The following GNG12 variants were observed in gnomAD, a reference collection of about 807,000 sequenced individuals.
GNG12 encodes guanine nucleotide-binding protein G(I)/G(S)/G(O) subunit gamma-12.
For missense variants in GNG12, 69 were observed against 83.8 expected (o/e 0.82, Z 0.69); for synonymous variants, 28 against 29.7 (o/e 0.94, Z 0.19).
intron 1 of GNG12, among the ~76,000 whole-genome samples, chr1:67,826,882 T>C (rs1213053855): frequency 6.6e-6 from 1 of 152,226 alleles, no homozygotes; most frequent in Non-Finnish European, 1.5e-5. Flanking sequence ...AACTGCAAGC[T>C]TGGGGTCTGA....
intron 2 of GNG12, among the ~76,000 whole-genome samples, chr1:67,736,156 C>A (rs1646451051): frequency 6.6e-6 from 1 of 152,116 alleles, no homozygotes; most frequent in Non-Finnish European, 1.5e-5. Flanking sequence ...CTTGCAGGAA[C>A]TGTGGGAGAA....
chr1:67,770,971 T>C (rs1187661323), intron 2 of GNG12, among the ~76,000 whole-genome samples: 1 of 151,988 alleles, frequency 6.6e-6, no homozygotes, highest in Non-Finnish European at 1.5e-5. Flanking sequence ...TGTGTGCATG[T>C]GTGTGTGCGT....
chr1:67,787,430 A>G (rs896806299), intron 1 of GNG12, among the ~76,000 whole-genome samples: 1 of 152,132 alleles, frequency 6.6e-6, no homozygotes, highest in Non-Finnish European at 1.5e-5. Context: ...GCAATAGTCA[A>G]GCAAAGAGTT....
chr1:67,798,859 C>T (rs1557621463), intron 1 of GNG12, among the ~76,000 whole-genome samples: 1 of 152,046 alleles, frequency 6.6e-6, no homozygotes, highest in Admixed American at 6.5e-5. Context: ...GAGGCTGAGG[C>T]AGAGGAATCG....
chr1:67,776,459 C>T (rs1052310411), intron 2 of GNG12, among the ~76,000 whole-genome samples: 8 of 152,184 alleles, frequency 5.3e-5, no homozygotes, highest in Non-Finnish European at 1.2e-4. Context: ...CTTGCTTTAA[C>T]AATCAGAATG....
chr1:67,763,143 A>C (rs1646616635), intron 2 of GNG12, among the ~76,000 whole-genome samples: 1 of 133,836 alleles, frequency 7.5e-6, no homozygotes, highest in East Asian at 2.2e-4. Context: ...TTTTACTCCT[A>C]AATATTTCAG....
intron 1 of GNG12, among the ~76,000 whole-genome samples, chr1:67,786,781 A>AC (rs1646769914): frequency 6.6e-6 from 1 of 151,812 alleles, no homozygotes; most frequent in Non-Finnish European, 1.5e-5. Flanking sequence ...AACAACAACA[A>AC]AAAAAACTAG....
intron 1 of GNG12, among the ~76,000 whole-genome samples, chr1:67,819,545 A>G (rs542856708): frequency 6.6e-4 from 100 of 152,186 alleles, no homozygotes; most frequent in Non-Finnish European, 1.2e-3. Flanking sequence ...CCTCCCTTCA[A>G]AAATAACACA....
intron 2 of GNG12, among the ~76,000 whole-genome samples, chr1:67,760,832 G>C (rs187430975): frequency 6.6e-6 from 1 of 152,210 alleles, no homozygotes; most frequent in Non-Finnish European, 1.5e-5. Context: ...AGGAGGGGAA[G>C]ATAAACAGAG....
intron 1 of GNG12, among the ~76,000 whole-genome samples, chr1:67,813,814 C>T (rs1274780253): frequency 6.6e-6 from 1 of 152,004 alleles, no homozygotes; most frequent in Non-Finnish European, 1.5e-5. Context: ...TCACCTCCTC[C>T]AATTAAATTA....
At chr1:67,751,859 T>C (rs1646540632) in intron 2 of GNG12, among the ~76,000 whole-genome samples, 1 of 152,210 alleles carries the variant, frequency 6.6e-6, no homozygotes, top group Admixed American at 6.5e-5. Flanking sequence ...GGGTACTGAA[T>C]GAGGTGAGCC....
intron 1 of GNG12, among the ~76,000 whole-genome samples, chr1:67,810,082 G>A (rs960495303): frequency 6.6e-6 from 1 of 152,132 alleles, no homozygotes; most frequent in Non-Finnish European, 1.5e-5. Flanking sequence ...ATATTACTCA[G>A]TGCTAAAAGG....
intron 2 of GNG12, among the ~76,000 whole-genome samples, chr1:67,732,238 T>C (rs369134868): frequency 4.6e-5 from 7 of 152,242 alleles, no homozygotes; most frequent in African/African-American, 1.7e-4. Context: ...GTGAGGAATA[T>C]TGTCCCACAT....
intron 2 of GNG12, among the ~76,000 whole-genome samples, chr1:67,744,558 G>A (rs913253297): frequency 6.6e-6 from 1 of 152,204 alleles, no homozygotes; most frequent in Non-Finnish European, 1.5e-5. Flanking sequence ...CCACGTCTTA[G>A]TGCAGCGCCA....
intron 2 of GNG12, among the ~76,000 whole-genome samples, chr1:67,760,178 C>CA (rs1646593781): frequency 6.6e-6 from 1 of 152,144 alleles, no homozygotes; most frequent in African/African-American, 2.4e-5. Context: ...GGCCCTGTGA[C>CA]GTTCCAGTGA....
chr1:67,719,551 T>C (rs1543859), intron 2 of GNG12, among the ~76,000 whole-genome samples: 65,791 of 152,090 alleles, frequency 0.43, 16,024 homozygotes, highest in South Asian at 0.56. Context: ...ATTTCAATGG[T>C]TAATTGTATG....
intron 1 of GNG12, among the ~76,000 whole-genome samples, chr1:67,799,622 G>C (rs1455345486): frequency 6.6e-6 from 1 of 151,894 alleles, no homozygotes; most frequent in East Asian, 1.9e-4. Flanking sequence ...TTTGGTCTCA[G>C]GACCCTAAAA....
chr1:67,824,842 G>C (rs1040162268), intron 1 of GNG12, among the ~76,000 whole-genome samples: 9 of 152,190 alleles, frequency 5.9e-5, no homozygotes, highest in African/African-American at 2.2e-4. Context: ...AGCACAGTGA[G>C]TGTGGAGAGG....
chr1:67,724,849 GGTTCATTCTAC>G (rs1316348820), intron 2 of GNG12, among the ~76,000 whole-genome samples: 2 of 151,872 alleles, frequency 1.3e-5, no homozygotes, highest in African/African-American at 4.8e-5. Flanking sequence ...AACTGCATGA[GGTTCATTCTAC>G]TTTTATATAT....
Sources: allele counts gnomAD v4.1 joint callset (sites outside exome capture counted in the v4.1 genomes callset), GRCh38; gene constraint gnomAD v4.1.1; transcripts MANE v1.5; gene names NCBI Gene and HGNC (gene_info 2026-07-23, HGNC 2026-07-21).